Variants in TUSC3 observed in about 807,000 individuals in gnomAD.
TUSC3 encodes the protein tumor suppressor candidate 3, also known as dolichyl-diphosphooligosaccharide--protein glycosyltransferase subunit TUSC3.
TUSC3 carries 45 observed loss-of-function variants against 44.8 expected under a neutral mutation model. That is an observed-to-expected ratio of 1.00 (90% CI 0.79 to 1.29). The LOEUF (loss-of-function observed/expected upper bound fraction) is 1.29. Among genes scored for constraint, TUSC3 ranks in the 50% most tolerant of loss-of-function variants. The probability of loss-of-function intolerance (pLI) is 0.00; values close to 1 mark genes in which losing one functional copy is unlikely to be tolerated. For synonymous variants in TUSC3, 212 were observed against 152.9 expected, an observed-to-expected ratio of 1.39 and a Z score of -2.85; for missense variants, 519 against 437.9, an observed-to-expected ratio of 1.19 and a Z score of -1.65.
intron 1 of TUSC3, among the ~76,000 whole-genome samples, chr8:15,446,910 C>CAAA (rs147065970): frequency 0.86 from 130,191 of 150,828 alleles, 57,562 homozygotes; most frequent in Non-Finnish European, 0.96. Flanking sequence ...GAAAAAAAAA[C>CAAA]AAAGGAGGTA....
the TUSC3 span, among the ~76,000 whole-genome samples, chr8:15,843,593 C>CAT: frequency 4.4e-3 from 402 of 91,072 alleles, no homozygotes; most frequent in East Asian, 0.013. Context: ...ACTTGATGTA[C>CAT]ATATATATAT....
At chr8:15,770,549 T>C (rs1046536666), downstream of TUSC3, among the ~76,000 whole-genome samples, 17 of 152,188 alleles carry the variant, frequency 1.1e-4, no homozygotes, top group Non-Finnish European at 7.3e-5. Flanking sequence ...ACTTAAAGTA[T>C]AATTTTTAAA....
At chr8:15,485,037 A>C (rs962137416) in intron 2 of TUSC3, among the ~76,000 whole-genome samples, 2 of 152,138 alleles carry the variant, frequency 1.3e-5, no homozygotes, top group Non-Finnish European at 2.9e-5. Flanking sequence ...CTCTGCCCTA[A>C]GTGTGTCTCA....
At chr8:15,527,462 C>G (rs952251281) in intron 2 of TUSC3, among the ~76,000 whole-genome samples, 19 of 152,210 alleles carry the variant, frequency 1.2e-4, no homozygotes, top group Admixed American at 1.2e-3. Context: ...CGTGATCCAC[C>G]TGCCCCGGCC....
the TUSC3 span, among the ~76,000 whole-genome samples, chr8:15,803,302 C>A: frequency 1.3e-5 from 2 of 152,086 alleles, no homozygotes; most frequent in Admixed American, 1.3e-4. Context: ...TTGAAATGCA[C>A]ACATATCTTA....
intron 2 of TUSC3, among the ~76,000 whole-genome samples, chr8:15,634,575 C>A (rs895563506): frequency 2.6e-5 from 4 of 152,136 alleles, no homozygotes; most frequent in Non-Finnish European, 5.9e-5. Context: ...TGTTCAGACC[C>A]CACTGGTTGA....
At chr8:15,742,159 T>A (rs1811224862) in intron 7 of TUSC3, among the ~76,000 whole-genome samples, 1 of 150,876 alleles carries the variant, frequency 6.6e-6, no homozygotes, top group African/African-American at 2.4e-5. Context: ...TTCATAGAAA[T>A]TTCAGTGTTT....
At chr8:15,627,585 A>G (rs1447243085) in intron 2 of TUSC3, among the ~76,000 whole-genome samples, 1 of 152,234 alleles carries the variant, frequency 6.6e-6, no homozygotes, top group Non-Finnish European at 1.5e-5. Context: ...GGGAGCCCAG[A>G]CCTGGGAGCT....
intron 3 of TUSC3, among the ~76,000 whole-genome samples, chr8:15,658,972 C>A (rs1046360237): frequency 3.3e-5 from 5 of 151,936 alleles, no homozygotes; most frequent in Admixed American, 3.3e-4. Flanking sequence ...TTGTTAAGAG[C>A]AGAAATGTTG....
chr8:15,472,324 A>G (rs896169073), intron 1 of TUSC3, among the ~76,000 whole-genome samples: 1 of 152,194 alleles, frequency 6.6e-6, no homozygotes, highest in African/African-American at 2.4e-5. Context: ...TAGACAGTGG[A>G]CCACAGAAAT....
In TUSC3 at chr8:15,607,026, GGTATCTTAT is replaced by G. The variant is rs559887616; in HGVS notation, c.139-16050_139-16042del. On this transcript the variant is annotated intron_variant, in intron 1 of 10. Coordinates refer to ENST00000503731, the MANE Select transcript of TUSC3 (RefSeq NM_006765.4). ...GTTAATATTAGCATTCAACATGGAT[GGTATCTTAT>G]GTACAGACTACCCGCAAGTTTCAGT... is the stretch of plus-strand genomic sequence containing the variant. Among the ~76,000 whole-genome samples, 457 of 151,944 alleles carry G rather than the reference GGTATCTTAT, an allele frequency of 3.0e-3. 2 individuals carry two copies. Among genetic ancestry groups the G allele is most frequent in the African/African-American group, 0.011 (445 of 41,440 alleles).
intron 1 of TUSC3, among the ~76,000 whole-genome samples, chr8:15,574,563 A>T (rs1418921477): frequency 1.3e-5 from 2 of 152,126 alleles, no homozygotes; most frequent in East Asian, 1.9e-4. Flanking sequence ...ATTATTTAGT[A>T]AAGCATTCAG....
chr8:15,807,152 A>C, the TUSC3 span: 1 of 888,782 alleles, frequency 1.1e-6, no homozygotes, highest in Non-Finnish European at 1.9e-6. Flanking sequence ...TTGGCAAAGC[A>C]ATCACAGCCG....
At chr8:15,846,668 A>C in the TUSC3 span, among the ~76,000 whole-genome samples, 1 of 152,084 alleles carries the variant, frequency 6.6e-6, no homozygotes. Flanking sequence ...GAGTTGAACA[A>C]TGAGAACACA....
chr8:15,848,007 A>G, the TUSC3 span, among the ~76,000 whole-genome samples: 1 of 152,138 alleles, frequency 6.6e-6, no homozygotes, highest in African/African-American at 2.4e-5. Context: ...TGGACATGCA[A>G]TACATATTTA....
At chr8:15,590,734 C>G (rs1223632735) in intron 1 of TUSC3, among the ~76,000 whole-genome samples, 1 of 151,464 alleles carries the variant, frequency 6.6e-6, no homozygotes, top group African/African-American at 2.4e-5. Flanking sequence ...TGCTGTGGTG[C>G]AATCTTGGCT....
intron 1 of TUSC3, among the ~76,000 whole-genome samples, chr8:15,556,136 C>T (rs1340946619): frequency 2.0e-5 from 3 of 147,428 alleles, no homozygotes; most frequent in African/African-American, 7.4e-5. Context: ...AGGTAAATCT[C>T]CCAGTGCTAT....
At chr8:15,636,558 A>G (rs1029216347) in intron 2 of TUSC3, among the ~76,000 whole-genome samples, 5 of 152,126 alleles carry the variant, frequency 3.3e-5, no homozygotes, top group South Asian at 2.1e-4. Flanking sequence ...ATGGAAGACA[A>G]CTCATGTTGC....
chr8:15,438,635 G>A (rs1251714134), intron 1 of TUSC3, among the ~76,000 whole-genome samples: 1 of 152,286 alleles, frequency 6.6e-6, no homozygotes, highest in East Asian at 1.9e-4. Flanking sequence ...AATACACTCA[G>A]TAAATTGAAT....
Sources: gnomAD v4.1 joint callset for allele counts (sites outside exome capture counted in the v4.1 genomes callset) on GRCh38, gnomAD v4.1.1 for gene constraint, MANE v1.5 for transcripts, NCBI Gene and HGNC (gene_info 2026-07-23, HGNC 2026-07-21) for gene names.